CNGB3: variants seen among roughly 807,000 people sequenced by gnomAD.
The protein encoded by CNGB3 is cyclic nucleotide gated channel subunit beta 3, also known as cyclic nucleotide-gated channel beta-3.
Under a neutral mutation model 92.8 loss-of-function variants are expected in CNGB3, and 86 were observed. That is an observed-to-expected ratio of 0.93 (90% CI 0.78 to 1.11). The LOEUF (loss-of-function observed/expected upper bound fraction) is 1.11, where lower values mean the gene tolerates loss of function less well. Ranked by LOEUF, CNGB3 falls within the 50% of genes least tolerant of loss-of-function variation. The pLI is 0.00. For synonymous variants in CNGB3, 333 were observed against 332.7 expected, an observed-to-expected ratio of 1.00 and a Z score of -0.01; for missense variants, 1,026 against 956.8, an observed-to-expected ratio of 1.07 and a Z score of -0.95.
intron 10 of CNGB3, among the ~76,000 whole-genome samples, chr8:86,636,708 A>C (rs1052167502): frequency 6.6e-6 from 1 of 151,960 alleles, no homozygotes; most frequent in Non-Finnish European, 1.5e-5. Flanking sequence ...ATTTTGCATA[A>C]TGGAAGCTTT....
intron 13 of CNGB3, among the ~76,000 whole-genome samples, chr8:86,619,217 T>A (rs1822677410): frequency 6.6e-6 from 1 of 152,202 alleles, no homozygotes; most frequent in Non-Finnish European, 1.5e-5. Flanking sequence ...TTAAAGTTTC[T>A]CCCGTTTCTG....
At chr8:86,741,670 A>C (rs1028784902) in intron 1 of CNGB3, among the ~76,000 whole-genome samples, 25 of 152,076 alleles carry the variant, frequency 1.6e-4, no homozygotes, top group African/African-American at 4.6e-4. Flanking sequence ...TGTCTCAAAA[A>C]AAACAAAAAA....
intron 3 of CNGB3, among the ~76,000 whole-genome samples, chr8:86,715,981 TAAAA>T (rs915399373): frequency 6.6e-6 from 1 of 151,188 alleles, no homozygotes; most frequent in Non-Finnish European, 1.5e-5. Context: ...ATAATAATAA[TAAAA>T]AAAATTAAAA....
intron 7 of CNGB3, among the ~76,000 whole-genome samples, chr8:86,652,623 CA>C (rs1823428884): frequency 6.6e-6 from 1 of 151,850 alleles, no homozygotes; most frequent in Non-Finnish European, 1.5e-5. Context: ...AACCAAGACA[CA>C]AGCACACAAA....
At position 86,717,698 on chromosome 8, in the gene CNGB3, C is replaced by T. The variant is rs376635997; in HGVS notation, c.338+8833G>A. Among the ~76,000 whole-genome samples, 7 of 152,220 alleles carry T rather than the reference C, an allele frequency of 4.6e-5. No individual in the cohort carries two copies. In the East Asian group the frequency reaches 1.4e-3, roughly 29 times the overall value. On this transcript the variant is annotated intron_variant, in intron 3 of 17. Coordinates refer to ENST00000320005, the MANE Select transcript of CNGB3 (RefSeq NM_019098.5). ...ACAAATGGACTTATCTACCCAACAA[C>T]TGCAGAATATACATTCTATTCATCA...
intron 3 of CNGB3, among the ~76,000 whole-genome samples, chr8:86,677,839 C>T (rs965761644): frequency 2.6e-5 from 4 of 152,122 alleles, no homozygotes; most frequent in Non-Finnish European, 5.9e-5. Flanking sequence ...ATTTTCTCCC[C>T]ATTTGTCTTA....
At chr8:86,699,440 C>T (rs1176231789) in intron 3 of CNGB3, among the ~76,000 whole-genome samples, 1 of 152,042 alleles carries the variant, frequency 6.6e-6, no homozygotes. Flanking sequence ...AGTTTGAGAC[C>T]AGCCTGGGCA....
chr8:86,739,851 T>G, intron 1 of CNGB3, 115 bp from the exon 2 acceptor site: 1 of 1,204,256 alleles, frequency 8.3e-7, no homozygotes, highest in Admixed American at 2.0e-5. Context: ...AAATTGACTG[T>G]TTATGATGTA....
intron 3 of CNGB3, among the ~76,000 whole-genome samples, chr8:86,696,562 A>C (rs1824454205): frequency 6.6e-6 from 1 of 152,168 alleles, no homozygotes; most frequent in African/African-American, 2.4e-5. Context: ...GTCTCCAGAC[A>C]CTGTTCTATC....
At chr8:86,658,789 G>A in intron 6 of CNGB3, 1 of 530,820 alleles carries the variant, frequency 1.9e-6, no homozygotes. Context: ...TTGGCCAGCT[G>A]CTCTTTGAGC....
chr8:86,708,458 A>G (rs1303758274), intron 3 of CNGB3, among the ~76,000 whole-genome samples: 1 of 152,172 alleles, frequency 6.6e-6, no homozygotes, highest in Non-Finnish European at 1.5e-5. Context: ...AAGGCTGAGA[A>G]GCAATAGTTA....
At chr8:86,603,330 C>T (rs550563575) in intron 15 of CNGB3, among the ~76,000 whole-genome samples, 63 of 152,206 alleles carry the variant, frequency 4.1e-4, no homozygotes, top group South Asian at 2.1e-3. Flanking sequence ...CAATCTAGCA[C>T]GTACCAGGCA....
At chr8:86,588,980 G>T (rs1026943184) in intron 15 of CNGB3, among the ~76,000 whole-genome samples, 4 of 152,062 alleles carry the variant, frequency 2.6e-5, no homozygotes, top group African/African-American at 9.7e-5. Context: ...GACTCTTTTT[G>T]GTTGTTAAGC....
intron 10 of CNGB3, 52 bp from the exon 11 acceptor site, chr8:86,632,945 C>A: frequency 6.6e-7 from 1 of 1,506,732 alleles, no homozygotes; most frequent in South Asian, 1.1e-5. Context: ...CATCGAAAGA[C>A]CACTATTCTT....
chr8:86,723,258 G>C (rs1825006081), intron 3 of CNGB3, among the ~76,000 whole-genome samples: 1 of 152,062 alleles, frequency 6.6e-6, no homozygotes, highest in African/African-American at 2.4e-5. Flanking sequence ...TAAAGTAATT[G>C]CACTTACAAT....
chr8:86,598,584 C>A (rs1262956747), intron 15 of CNGB3, among the ~76,000 whole-genome samples: 2 of 152,140 alleles, frequency 1.3e-5, no homozygotes, highest in Admixed American at 6.5e-5. Flanking sequence ...AGTCCAAAAT[C>A]AAAATATCAG....
At chr8:86,603,046 C>A (rs1822339498) in intron 15 of CNGB3, among the ~76,000 whole-genome samples, 1 of 152,150 alleles carries the variant, frequency 6.6e-6, no homozygotes, top group Non-Finnish European at 1.5e-5. Context: ...GCTCTTCACC[C>A]AATTCTGAAT....
chr8:86,680,440 C>A (rs922056515), intron 3 of CNGB3, among the ~76,000 whole-genome samples: 4 of 152,156 alleles, frequency 2.6e-5, no homozygotes, highest in Non-Finnish European at 5.9e-5. Context: ...GAGAGTTTTA[C>A]CCTTGGAGGA....
chr8:86,711,991 G>A (rs1824759985), intron 3 of CNGB3, among the ~76,000 whole-genome samples: 4 of 151,842 alleles, frequency 2.6e-5, no homozygotes, highest in Admixed American at 2.6e-4. Context: ...TTACTTCTGG[G>A]ATTACCTGAT....
Sources: allele counts gnomAD v4.1 joint callset (sites outside exome capture counted in the v4.1 genomes callset), GRCh38; gene constraint gnomAD v4.1.1; transcripts MANE v1.5; gene names NCBI Gene and HGNC (gene_info 2026-07-23, HGNC 2026-07-21).